Variants in HACD3 observed in about 807,000 individuals in gnomAD.
HACD3 encodes very-long-chain (3R)-3-hydroxyacyl-CoA dehydratase 3.
Under a neutral mutation model 55.2 loss-of-function variants are expected in HACD3, and 30 were observed. The ratio of observed to expected loss-of-function variants is 0.54; its 90% confidence interval spans 0.41 to 0.74. HACD3 has a LOEUF of 0.74. Among genes scored for constraint, HACD3 ranks in the 30% least tolerant of loss-of-function variants. The pLI is 0.00. For synonymous variants in HACD3, 141 were observed against 151.7 expected (o/e 0.93, Z 0.52); for missense variants, 363 against 440.1 (o/e 0.82, Z 1.57).
intron 1 of HACD3, among the ~76,000 whole-genome samples, chr15:65,545,613 T>A (rs1212046267): frequency 2.1e-4 from 1 of 4,692 alleles, no homozygotes; most frequent in Non-Finnish European, 3.8e-3. Context: ...CCGGCTAATT[T>A]TTTTTTTTTT....
chr15:65,558,100 C>T lies in HACD3; in HGVS notation c.370-580C>T, dbSNP rs141215187. ...GCATTGGAAACCAAGATCTGGGTGC[C>T]GGGTATGCTCATTGCTACCAGGTTG... On this transcript the variant is annotated intron_variant, in intron 4 of 10. Coordinates refer to ENST00000261875, the MANE Select transcript of HACD3 (RefSeq NM_016395.4). Among the ~76,000 whole-genome samples the T allele has an allele frequency of 2.4e-3, 361 of 152,178 alleles. 4 individuals carry two copies. Among genetic ancestry groups the T allele is most frequent in the South Asian group, 2.5e-3 (12 of 4,820 alleles).
intron 2 of HACD3, 98 bp from the exon 3 acceptor site, chr15:65,554,789 G>A: frequency 2.5e-6 from 2 of 789,660 alleles, no homozygotes. Context: ...AAAAAAAAGT[G>A]TAATATTCGC....
intron 3 of HACD3, among the ~76,000 whole-genome samples, chr15:65,555,274 C>G (rs1343536323): frequency 6.6e-6 from 1 of 152,166 alleles, no homozygotes; most frequent in African/African-American, 2.4e-5. Flanking sequence ...CTGATATTCT[C>G]TGGTTTTAGT....
chr15:65,564,100 A>T lies in HACD3; in HGVS notation c.533-115A>T, dbSNP rs1596216106. 3 of 1,288,900 alleles carry T rather than the reference A, an allele frequency of 2.3e-6. No individual in the cohort carries two copies. The East Asian group carries it at 7.0e-5, about 30-fold the overall frequency. 79.8% of individuals were successfully genotyped at this position (1,288,900 alleles called of 1,614,324 possible). A position where few individuals can be genotyped will look rare whatever the true frequency, so the allele number is the denominator to read the frequency against. On this transcript the variant is annotated intron_variant, in intron 6 of 10. Transcript: ENST00000261875. ...AAGTAAGAAACTTGAATCTGACTGG[A>T]TGTTTGTTATTCCTTTCTTACAGTT... is the stretch of plus-strand genomic sequence containing the variant.
chr15:65,551,049 A>G (rs562487236), intron 1 of HACD3: 2 of 152,392 alleles, frequency 1.3e-5, no homozygotes, highest in South Asian at 4.2e-4. Flanking sequence ...AGTTAGAGAC[A>G]CAGGCACAGC....
At chr15:65,568,417 G>A (rs997875588) in intron 7 of HACD3, among the ~76,000 whole-genome samples, 2 of 151,278 alleles carry the variant, frequency 1.3e-5, no homozygotes, top group Non-Finnish European at 2.9e-5. Flanking sequence ...GGAGTGCAGT[G>A]GTGTGACCTT....
intron 8 of HACD3, among the ~76,000 whole-genome samples, chr15:65,570,698 G>A (rs1261608748): frequency 6.6e-6 from 1 of 152,148 alleles, no homozygotes; most frequent in Non-Finnish European, 1.5e-5. Context: ...TATCTTTTAA[G>A]AAATGGATCT....
At chr15:65,552,978 T>C (rs1051134101) in intron 2 of HACD3, 1 of 151,960 alleles carries the variant, frequency 6.6e-6, no homozygotes, top group Non-Finnish European at 1.5e-5. Flanking sequence ...TTACTGAGAA[T>C]GATGATTTCC....
At chr15:65,555,196 T>G (rs2072177012) in intron 3 of HACD3, among the ~76,000 whole-genome samples, 1 of 152,214 alleles carries the variant, frequency 6.6e-6, no homozygotes, top group African/African-American at 2.4e-5. Flanking sequence ...AACAAGTCTC[T>G]TAACTTCTTC....
intron 7 of HACD3, among the ~76,000 whole-genome samples, chr15:65,569,857 C>T (rs1203696970): frequency 6.6e-6 from 1 of 152,150 alleles, no homozygotes; most frequent in East Asian, 1.9e-4. Flanking sequence ...GAACATGTGT[C>T]TGTATTTTAA....
chr15:65,569,362 G>A (rs761819802), intron 7 of HACD3, among the ~76,000 whole-genome samples: 8 of 152,046 alleles, frequency 5.3e-5, no homozygotes, highest in Non-Finnish European at 1.0e-4. Context: ...TTTAAAACAG[G>A]CAAAATGAAA....
intron 4 of HACD3, 128 bp from the exon 5 acceptor site, chr15:65,558,552 A>G (rs775430560): frequency 6.9e-5 from 57 of 820,746 alleles, no homozygotes; most frequent in African/African-American, 3.6e-4. Context: ...TATTCTCCCA[A>G]TGATGCACTG....
At chr15:65,564,068 CTTAGT>C in intron 6 of HACD3, 142 bp from the exon 7 acceptor site, 1 of 1,009,650 alleles carries the variant, frequency 9.9e-7, no homozygotes, top group Non-Finnish European at 1.5e-6. Context: ...ACCCTTCCTG[CTTAGT>C]TAAGTAAGAA....
At chr15:65,574,597 T>C (rs2072382867) in intron 10 of HACD3, 1 of 152,204 alleles carries the variant, frequency 6.6e-6, no homozygotes, top group Non-Finnish European at 1.5e-5. Context: ...TCATTTAGTG[T>C]TGCGGGAGGA....
At chr15:65,551,623 C>A in intron 1 of HACD3, 53 bp from the exon 2 acceptor site, 1 of 1,604,664 alleles carries the variant, frequency 6.2e-7, no homozygotes, top group South Asian at 1.1e-5. Flanking sequence ...TGTTTAATCT[C>A]ATTTTTTCTC....
At chr15:65,543,194 AT>A (rs1397364236) in intron 1 of HACD3, among the ~76,000 whole-genome samples, 2 of 152,140 alleles carry the variant, frequency 1.3e-5, no homozygotes, top group African/African-American at 4.8e-5. Context: ...TACACATAAT[AT>A]TTGAACACAG....
In HACD3 at chr15:65,530,713, G is replaced by A; in HGVS notation, c.82G>A (p.Val28Ile). Residue 28 changes from valine to isoleucine, a missense_variant, in exon 1 of 11, where the codon GTA (valine) becomes ATA (isoleucine). Coordinates refer to ENST00000261875, the MANE Select transcript of HACD3 (RefSeq NM_016395.4). Reference sequence around the variant, plus strand: ...ATATCTGCGCGTGGAGCTGAGTGACGTACAGGTAAAGGCCGGGTCGGGCGG... The same window carrying A: ...ATATCTGCGCGTGGAGCTGAGTGACATACAGGTAAAGGCCGGGTCGGGCGG... ...ELYLRVELSD[V>I]QNPAISITEN... The A allele has an allele frequency of 2.6e-6, 4 of 1,562,790 alleles. 1 individual carries two copies.
intron 10 of HACD3, among the ~76,000 whole-genome samples, chr15:65,572,950 TAAAAA>T (rs397959532): frequency 1.4e-5 from 2 of 140,824 alleles, no homozygotes; most frequent in African/African-American, 2.6e-5. Context: ...AAATAAAAAT[TAAAAA>T]AAAAAAAGTA....
At position 65,572,290 on chromosome 15, in the gene HACD3, C is replaced by T; in HGVS notation, c.936C>T (p.Phe312=). ...TCAATGAGACCGGACGATTCAGTTT[C>T]ACATTGCCATATCCAGTGAAAATCA... ...PIFNETGRFS[F]TLPYPVKIKV... The change falls in exon 10 of 11, where the codon TTC becomes TTT. Residue 312 remains phenylalanine, a synonymous_variant. Transcript: ENST00000261875. The T allele has an allele frequency of 1.9e-6, 3 of 1,613,464 alleles. No individual in the cohort carries two copies. Among genetic ancestry groups the T allele is most frequent in the Non-Finnish European group, 2.5e-6 (3 of 1,179,798 alleles).
Sources: gnomAD v4.1 joint callset for allele counts (sites outside exome capture counted in the v4.1 genomes callset) on GRCh38, gnomAD v4.1.1 for gene constraint, MANE v1.5 for transcripts, NCBI Gene and HGNC (gene_info 2026-07-23, HGNC 2026-07-21) for gene names.